The following RPS29 variants were observed in gnomAD, a reference collection of about 807,000 sequenced individuals.
The protein encoded by RPS29 is ribosomal protein S29, also known as small ribosomal subunit protein uS14.
For missense variants in RPS29, 60 were observed against 75.7 expected (o/e 0.79, Z 0.77); for synonymous variants, 37 against 26.9 (o/e 1.37, Z -1.16).
At chr14:49,593,683 ACT>A (rs1881761387) in intron 1 of RPS29, among the ~76,000 whole-genome samples, 1 of 89,488 alleles carries the variant, frequency 1.1e-5, no homozygotes, top group Non-Finnish European at 2.0e-5. Context: ...ACAGAGCAAG[ACT>A]CTGTCTCAAA....
chr14:49,576,829 T>C (rs1881195374), exon 3 of RPS29: 2 of 152,264 alleles, frequency 1.3e-5, no homozygotes, highest in African/African-American at 4.8e-5. Context: ...CCTCATTTCC[T>C]GCTTGCCGCT....
At chr14:49,592,011 A>G (rs1881723764) in intron 1 of RPS29, among the ~76,000 whole-genome samples, 1 of 152,144 alleles carries the variant, frequency 6.6e-6, no homozygotes. Context: ...AGCCAGACAT[A>G]TATCTTTATC....
At chr14:49,571,315 T>A (rs1457054405) in exon 3 of RPS29, 1 of 152,222 alleles carries the variant, frequency 6.6e-6, no homozygotes, top group Non-Finnish European at 1.5e-5. Context: ...TAGACTTGTG[T>A]TTGTTGTGTG....
In RPS29 at chr14:49,593,692, C is replaced by CAAAAAAAAAAAAA. The variant is rs10647593; in HGVS notation, c.-133+4695_-133+4707dup. 5.3e-5 allele frequency among the ~76,000 whole-genome samples: 3 copies of CAAAAAAAAAAAAA among 56,306 alleles called. 1 individual carries two copies. The highest frequency in any genetic ancestry group is 3.0e-4 in the Admixed American group (1 of 3,348). 36.9% of individuals were successfully genotyped at this position (56,306 alleles called of 152,430 possible). ...TGGGCGACAGAGCAAGACTCTGTCT[C>CAAAAAAAAAAAAA]AAAAAAAAAAAAAAAAAAAAAAAAG... On this transcript the variant is annotated intron_variant, in intron 1 of 3. Transcript: ENST00000556230.
At chr14:49,594,342 C>CAATAAAAA (rs1881776793) in intron 1 of RPS29, among the ~76,000 whole-genome samples, 1 of 123,792 alleles carries the variant, frequency 8.1e-6, no homozygotes, top group Non-Finnish European at 1.7e-5. Context: ...GAACCTGTCT[C>CAATAAAAA]AAAAAAAAAA....
chr14:49,577,639 G>T, exon 3 of RPS29: 1 of 718,636 alleles, frequency 1.4e-6, no homozygotes. Context: ...GTTGGGCATA[G>T]ATCTGGCCCT....
chr14:49,577,750 C>G, exon 3 of RPS29: 2 of 1,338,792 alleles, frequency 1.5e-6, no homozygotes, highest in South Asian at 2.4e-5. Context: ...ACTTGGTGCT[C>G]TTTTTGATGA....
At chr14:49,571,010 T>C (rs1881042867) in exon 3 of RPS29, 1 of 152,142 alleles carries the variant, frequency 6.6e-6, no homozygotes, top group African/African-American at 2.4e-5. Flanking sequence ...GAACTCAAAA[T>C]GTTTATTTTG....
At chr14:49,577,743 TG>T in exon 3 of RPS29, 1 of 1,209,558 alleles carries the variant, frequency 8.3e-7, no homozygotes, top group Non-Finnish European at 1.2e-6. Context: ...CCAGTGAACT[TG>T]GTGCTCTTTT....
downstream of RPS29, among the ~76,000 whole-genome samples, chr14:49,582,595 T>A (rs970890741): frequency 6.6e-6 from 1 of 152,278 alleles, no homozygotes; most frequent in Non-Finnish European, 1.5e-5. Context: ...TACAGAATTC[T>A]GCATCTGGCA....
chr14:49,573,609 A>G (rs1035897710), exon 3 of RPS29: 2 of 152,176 alleles, frequency 1.3e-5, no homozygotes, highest in African/African-American at 4.8e-5. Flanking sequence ...AAATTACACA[A>G]TGGTAAAATT....
At chr14:49,571,665 AT>A (rs1229692885) in exon 3 of RPS29, 1 of 152,174 alleles carries the variant, frequency 6.6e-6, no homozygotes, top group African/African-American at 2.4e-5. Context: ...TGAAACCCCA[AT>A]AAAAACTTTA....
At chr14:49,588,151 A>C (rs1881630411), upstream of RPS29, among the ~76,000 whole-genome samples, 1 of 152,228 alleles carries the variant, frequency 6.6e-6, no homozygotes, top group Admixed American at 6.5e-5. Context: ...ACAATATTTA[A>C]AACATTACAG....
At chr14:49,573,581 C>CCTA (rs1323582070) in exon 3 of RPS29, 1 of 151,832 alleles carries the variant, frequency 6.6e-6, no homozygotes, top group Admixed American at 6.6e-5. Flanking sequence ...CTATATTTGA[C>CCTA]AGAACTGGCC....
At chr14:49,583,747 C>G in intron 2 of RPS29, 72 bp from the exon 3 acceptor site, 1 of 961,350 alleles carries the variant, frequency 1.0e-6, no homozygotes, top group Non-Finnish European at 1.7e-6. Context: ...AAAAAAAAGG[C>G]TCATTATAGA....
chr14:49,586,726 G>A (rs913595999), upstream of RPS29: 43 of 246,218 alleles, frequency 1.7e-4, no homozygotes, highest in Admixed American at 3.8e-4. Context: ...TGACCTCCCG[G>A]GAGCGGGGGA....
chr14:49,582,012 CAAAAAAA>C (rs58507206), downstream of RPS29, among the ~76,000 whole-genome samples: 30 of 106,510 alleles, frequency 2.8e-4, no homozygotes, highest in Admixed American at 2.6e-3. Context: ...CCCTGCCCCC[CAAAAAAA>C]AAAAAAAAAA....
intron 2 of RPS29, among the ~76,000 whole-genome samples, chr14:49,584,002 G>C (rs947387075): frequency 2.7e-5 from 4 of 149,510 alleles, no homozygotes; most frequent in Non-Finnish European, 5.9e-5. Context: ...TTTTTTTTTT[G>C]AGAGAGAGTC....
At chr14:49,587,264 G>T (rs1432877186), upstream of RPS29, among the ~76,000 whole-genome samples, 1 of 152,178 alleles carries the variant, frequency 6.6e-6, no homozygotes, top group Non-Finnish European at 1.5e-5. Context: ...AGTGTATGTT[G>T]CTTTGACCAG....
Sources: gnomAD v4.1 joint callset for allele counts (sites outside exome capture counted in the v4.1 genomes callset) on GRCh38, gnomAD v4.1.1 for gene constraint, MANE v1.5 for transcripts, NCBI Gene and HGNC (gene_info 2026-07-23, HGNC 2026-07-21) for gene names.